The following SCRN1 variants were observed in gnomAD, a reference collection of about 807,000 sequenced individuals.
SCRN1 encodes secernin-1.
SCRN1 carries 19 observed loss-of-function variants against 43.3 expected under a neutral mutation model. The ratio of observed to expected loss-of-function variants is 0.44; its 90% CI spans 0.31 to 0.64. The LOEUF is 0.64. SCRN1 is among the 30% of genes least tolerant of loss of function. The probability of loss-of-function intolerance (pLI) is 0.09; values close to 1 mark genes in which losing one functional copy is unlikely to be tolerated. For synonymous variants in SCRN1, 183 were observed against 188.9 expected (o/e 0.97, Z 0.26); for missense variants, 447 against 524.1 (o/e 0.85, Z 1.44).
rs747005571 is a variant in SCRN1, at chr7:29,965,405, G to C, written c.159+3504C>G. On this transcript the variant is annotated intron_variant, in intron 2 of 7. Coordinates refer to ENST00000242059, the MANE Select transcript of SCRN1 (RefSeq NM_014766.5). This position sits in a 1 kb window ranked among gnomAD's most constrained non-coding sequence, Gnocchi z 4.2. ...AGATGGACTCAGTCTGAACGAGTCA[G>C]GGGCAGCGGGGAGGAGATGGACAAA... is the stretch of plus-strand genomic sequence containing the variant. Among the ~76,000 whole-genome samples, 3 of 152,162 alleles carry C rather than the reference G, an allele frequency of 2.0e-5. No homozygotes were observed. The highest frequency in any genetic ancestry group is 4.4e-5 in the Non-Finnish European group (3 of 68,044).
At chr7:29,986,091 C>T (rs1562826366) in intron 1 of SCRN1, among the ~76,000 whole-genome samples, 5 of 152,234 alleles carry the variant, frequency 3.3e-5, no homozygotes, top group African/African-American at 7.2e-5. Context: ...AAAAGTTAGC[C>T]GGGCTGTGGT....
chr7:29,926,685 A>C, intron 6 of SCRN1, 53 bp from the exon 7 acceptor site: 2 of 1,478,604 alleles, frequency 1.4e-6, no homozygotes, highest in East Asian at 2.5e-5. Context: ...ACCCGGGAAC[A>C]CCCAGAGACT....
chr7:29,969,791 G>T (rs1788611758), intron 1 of SCRN1: 2 of 455,958 alleles, frequency 4.4e-6, no homozygotes, highest in Non-Finnish European at 8.8e-6. Context: ...TTTAATTCCA[G>T]CTGGGTTCTC....
chr7:29,979,610 T>C (rs1049825049), intron 1 of SCRN1, among the ~76,000 whole-genome samples: 2 of 152,182 alleles, frequency 1.3e-5, no homozygotes, highest in Non-Finnish European at 2.9e-5. Context: ...AACTCCTCCA[T>C]ACCCAGTGAT....
intron 1 of SCRN1, among the ~76,000 whole-genome samples, chr7:29,979,144 CA>C (rs753410926): frequency 2.0e-5 from 3 of 152,134 alleles, no homozygotes; most frequent in Non-Finnish European, 2.9e-5. Flanking sequence ...GCGGGCGGGT[CA>C]CAAGGTCAGG....
At chr7:29,966,203 G>GAGAGA (rs1554360397) in intron 2 of SCRN1, among the ~76,000 whole-genome samples, 2 of 147,640 alleles carry the variant, frequency 1.4e-5, no homozygotes, top group Non-Finnish European at 3.0e-5. Flanking sequence ...GAGAGAGAGA[G>GAGAGA]AAGCTGTATC....
intron 1 of SCRN1, among the ~76,000 whole-genome samples, chr7:29,988,107 G>T (rs992911893): frequency 7.9e-5 from 12 of 152,120 alleles, no homozygotes; most frequent in African/African-American, 2.9e-4. Context: ...TCATGCCTGG[G>T]TGCTTCCTCG....
chr7:29,983,655 C>T (rs1037833286), intron 1 of SCRN1, among the ~76,000 whole-genome samples: 2 of 152,010 alleles, frequency 1.3e-5, no homozygotes, highest in Non-Finnish European at 2.9e-5. Flanking sequence ...GGTCCATCTG[C>T]AAAGGATATG....
Position 29,936,705 on chromosome 7 carries a change from C to T in SCRN1, c.756G>A (p.Gln252=), listed in dbSNP as rs1483884848. Residue 252 remains glutamine, a synonymous_variant, in exon 6 of 8, where the codon CAG becomes CAA. Coordinates refer to ENST00000242059, the MANE Select transcript of SCRN1 (RefSeq NM_014766.5). Reference sequence around the variant, plus strand: ...TGTCCCGTAAGGTGTTCATCATAGTCTGCACTGTGATGCTTTCTGCAAAAA... The same window carrying T: ...TGTCCCGTAAGGTGTTCATCATAGTTTGCACTGTGATGCTTTCTGCAAAAA... ...LEKQEESITV[Q]TMMNTLRDKA... is the part of the protein sequence containing the mutation. The T allele has an allele frequency of 1.9e-6, 3 of 1,553,830 alleles. No homozygotes were observed. Among genetic ancestry groups the T allele is most frequent in the Non-Finnish European group, 2.6e-6 (3 of 1,137,992 alleles).
intron 2 of SCRN1, among the ~76,000 whole-genome samples, chr7:29,966,655 CTCT>C (rs1562818879): frequency 6.6e-6 from 1 of 152,168 alleles, no homozygotes; most frequent in Non-Finnish European, 1.5e-5. Context: ...GAACCTAGCA[CTCT>C]TCTTCACCTA....
At chr7:29,925,410 A>G (rs1230169218) in intron 7 of SCRN1, among the ~76,000 whole-genome samples, 1 of 152,162 alleles carries the variant, frequency 6.6e-6, no homozygotes, top group Non-Finnish European at 1.5e-5. Context: ...CACAGCACCA[A>G]TTTACACAAA....
At chr7:29,974,918 G>A (rs952513243) in intron 1 of SCRN1, among the ~76,000 whole-genome samples, 1 of 152,034 alleles carries the variant, frequency 6.6e-6, no homozygotes, top group African/African-American at 2.4e-5. Context: ...TCCTGACATC[G>A]TGATCCGTCT....
chr7:29,973,414 C>T (rs543331061), intron 1 of SCRN1, among the ~76,000 whole-genome samples: 2 of 152,272 alleles, frequency 1.3e-5, no homozygotes, highest in Non-Finnish European at 2.9e-5. Context: ...TTCTATTCCA[C>T]AAAAGACAGG....
rs1224772104 is a variant in SCRN1, at chr7:29,965,131, T to C, written c.159+3778A>G. Among the ~76,000 whole-genome samples, 1 of 151,960 alleles carries C rather than the reference T, an allele frequency of 6.6e-6. No homozygotes were observed. The highest frequency in any genetic ancestry group is 1.5e-5 in the Non-Finnish European group (1 of 67,976). On this transcript the variant is annotated intron_variant, in intron 2 of 7. Coordinates refer to ENST00000242059, the MANE Select transcript of SCRN1 (RefSeq NM_014766.5). The surrounding 1 kb of genome is among the most constrained non-coding windows in gnomAD (Gnocchi z 4.2). ...ATAAAACTGCTCTAAAAATAGTCTA[T>C]CAATTTAAAATAGAAAAGAATGAAA...
chr7:29,969,171 G>A, intron 1 of SCRN1, 103 bp from the exon 2 acceptor site: 1 of 1,380,434 alleles, frequency 7.2e-7, no homozygotes, highest in Non-Finnish European at 9.9e-7. Flanking sequence ...TTTTACTATT[G>A]AACTGTGCAC....
At chr7:29,969,227 C>CTTTTTTTATG in intron 1 of SCRN1, 159 bp from the exon 2 acceptor site, 1 of 777,402 alleles carries the variant, frequency 1.3e-6, no homozygotes, top group Non-Finnish European at 2.0e-6. Flanking sequence ...AGGTGGGACG[C>CTTTTTTTATG]CTGCAGTGGA....
At chr7:29,952,621 C>A (rs1021785754) in intron 3 of SCRN1, among the ~76,000 whole-genome samples, 1 of 149,492 alleles carries the variant, frequency 6.7e-6, no homozygotes, top group Non-Finnish European at 1.5e-5. Flanking sequence ...ACCTGGGAGG[C>A]GGAGGTTGCA....
At chr7:29,969,907 T>C (rs998799310) in intron 1 of SCRN1, 2 of 456,346 alleles carry the variant, frequency 4.4e-6, no homozygotes, top group African/African-American at 4.0e-5. Flanking sequence ...AAGGTAACCA[T>C]CCTTGCCATT....
intron 6 of SCRN1, among the ~76,000 whole-genome samples, chr7:29,934,031 T>C (rs1235521210): frequency 2.0e-5 from 3 of 152,148 alleles, no homozygotes; most frequent in Non-Finnish European, 4.4e-5. Context: ...AGACAGTAAG[T>C]CGAGCAAGCA....
Sources: allele counts gnomAD v4.1 joint callset (sites outside exome capture counted in the v4.1 genomes callset), GRCh38; gene constraint gnomAD v4.1.1; non-coding constraint Gnocchi (gnomAD v3.1); transcripts MANE v1.5; gene names NCBI Gene and HGNC (gene_info 2026-07-23, HGNC 2026-07-21).